Variants in CDC14B observed in about 807,000 individuals in gnomAD.
The protein encoded by CDC14B is dual specificity protein phosphatase CDC14B.
A neutral mutation model predicts 64.2 loss-of-function variants in CDC14B; 22 were observed. The observed-to-expected ratio is 0.34, with a 90% CI of 0.24 to 0.49. The LOEUF (loss-of-function observed/expected upper bound fraction) is 0.49. Among genes scored for constraint, CDC14B ranks in the 20% least tolerant of loss-of-function variants. CDC14B has a pLI of 0.99. For missense variants in CDC14B, 498 were observed against 629.9 expected (o/e 0.79, Z 2.24); for synonymous variants, 191 against 215.8 (o/e 0.89, Z 1.01).
chr9:96,534,568 C>T (rs756291922), intron 7 of CDC14B, 26 bp from the exon 8 acceptor site: 9 of 1,507,986 alleles, frequency 6.0e-6, no homozygotes, highest in South Asian at 5.7e-5. Context: ...CAGCACAATT[C>T]GTTTTTAAAT....
At chr9:96,513,801 T>A (rs1835240847) in intron 12 of CDC14B, among the ~76,000 whole-genome samples, 2 of 152,116 alleles carry the variant, frequency 1.3e-5, no homozygotes, top group South Asian at 4.1e-4. Flanking sequence ...TATCTCTGAG[T>A]CTGACTCAGA....
At chr9:96,497,705 A>G (rs1453254004), downstream of CDC14B, among the ~76,000 whole-genome samples, 1 of 152,188 alleles carries the variant, frequency 6.6e-6, no homozygotes, top group Admixed American at 6.5e-5. Flanking sequence ...CAAAATATAT[A>G]TGGCTCTTAG....
At chr9:96,556,776 T>C (rs1842558316) in intron 4 of CDC14B, among the ~76,000 whole-genome samples, 2 of 152,030 alleles carry the variant, frequency 1.3e-5, no homozygotes, top group African/African-American at 4.8e-5. Context: ...TTTTAAAAAA[T>C]GAAATCTCCT....
At chr9:96,518,536 C>A (rs1383207717) in intron 12 of CDC14B, among the ~76,000 whole-genome samples, 3 of 151,986 alleles carry the variant, frequency 2.0e-5, no homozygotes, top group Admixed American at 2.0e-4. Flanking sequence ...AATTACATGC[C>A]AGGCATCCTA....
chr9:96,576,976 G>A (rs1844850864), intron 1 of CDC14B, among the ~76,000 whole-genome samples: 1 of 152,110 alleles, frequency 6.6e-6, no homozygotes, highest in South Asian at 2.1e-4. Context: ...GTTTTGGCGG[G>A]GCACAGTGGC....
chr9:96,533,887 C>T, intron 9 of CDC14B, 40 bp downstream of exon 9: 1 of 1,265,744 alleles, frequency 7.9e-7, no homozygotes, highest in Middle Eastern at 1.9e-4. Context: ...TTCATATACT[C>T]ATACTGTATA....
In CDC14B at chr9:96,619,411, C is replaced by A. The variant is rs1429432878; in HGVS notation, c.-33G>T. The A allele has an allele frequency of 3.5e-6, 4 of 1,147,596 alleles. No homozygotes were observed. The South Asian group carries it at 1.7e-4, about 49-fold the overall frequency. 71.1% of individuals were successfully genotyped at this position (1,147,596 alleles called of 1,614,324 possible). A position where few individuals can be genotyped will look rare whatever the true frequency, so the allele number is the denominator to read the frequency against. On this transcript the variant is annotated 5_prime_UTR_variant, in exon 1 of 14. Transcript: ENST00000375241. ...GCCGCGGCCCGTCAGGGGGCCACGA[C>A]CATGGCCCCGCGCGCCCGCGCGCCC... is the stretch of plus-strand genomic sequence containing the variant.
At chr9:96,528,652 T>C (rs1837956345) in intron 9 of CDC14B, among the ~76,000 whole-genome samples, 1 of 152,232 alleles carries the variant, frequency 6.6e-6, no homozygotes, top group Non-Finnish European at 1.5e-5. Context: ...ATGACGTTAA[T>C]TTTTTCAGGA....
chr9:96,514,987 T>C (rs752260066), intron 12 of CDC14B: 35 of 941,496 alleles, frequency 3.7e-5, no homozygotes, highest in South Asian at 4.9e-5. Flanking sequence ...GACCATCATA[T>C]GGAAATGCAC....
intron 5 of CDC14B, among the ~76,000 whole-genome samples, chr9:96,548,907 T>C (rs996962560): frequency 6.6e-6 from 1 of 152,218 alleles, no homozygotes; most frequent in African/African-American, 2.4e-5. Context: ...TATAAATGAA[T>C]GCCATTCTTG....
intron 1 of CDC14B, among the ~76,000 whole-genome samples, chr9:96,585,424 T>C (rs117808162): frequency 0.025 from 3,791 of 152,008 alleles, 81 homozygotes; most frequent in Non-Finnish European, 0.039. Flanking sequence ...TGTGTTCTCA[T>C]TGTAAGGTAC....
intron 1 of CDC14B, among the ~76,000 whole-genome samples, chr9:96,600,137 G>A (rs1341292420): frequency 6.6e-6 from 1 of 151,862 alleles, no homozygotes; most frequent in African/African-American, 2.4e-5. Context: ...GCTCTCGCCT[G>A]TAATCCCAGC....
chr9:96,569,107 T>G (rs1384049545), intron 1 of CDC14B, among the ~76,000 whole-genome samples: 1 of 152,090 alleles, frequency 6.6e-6, no homozygotes, highest in East Asian at 1.9e-4. Flanking sequence ...TGTCTAGAAA[T>G]AGGGAATAAG....
chr9:96,536,290 G>T (rs1839254189), intron 7 of CDC14B, among the ~76,000 whole-genome samples: 1 of 152,160 alleles, frequency 6.6e-6, no homozygotes. Context: ...CTCTACAGTA[G>T]TAACAGGGGA....
chr9:96,529,527 C>T (rs375948405), intron 9 of CDC14B, among the ~76,000 whole-genome samples: 2 of 141,862 alleles, frequency 1.4e-5, no homozygotes, highest in Non-Finnish European at 3.0e-5. Flanking sequence ...GATCTCACTA[C>T]GTCACCCAGG....
intron 5 of CDC14B, among the ~76,000 whole-genome samples, chr9:96,544,256 T>C (rs74357030): frequency 0.018 from 2,761 of 152,270 alleles, 80 homozygotes; most frequent in African/African-American, 0.063. Context: ...TTAGTGTTTT[T>C]GTTAAAAACT....
At chr9:96,559,228 T>C (rs1842860031) in intron 4 of CDC14B, among the ~76,000 whole-genome samples, 1 of 152,232 alleles carries the variant, frequency 6.6e-6, no homozygotes, top group South Asian at 2.1e-4. Flanking sequence ...GGTCTTTCTG[T>C]GTATACAAGG....
rs1030055734 is a variant in CDC14B at position 96,532,451 on chromosome 9, C to T, written c.946+1476G>A. Among the ~76,000 whole-genome samples, 9 of 152,320 alleles carry T rather than the reference C, an allele frequency of 5.9e-5. No individual in the cohort carries two copies. The East Asian group carries it at 1.7e-3, about 29-fold the overall frequency. On this transcript the variant is annotated intron_variant, in intron 9 of 13. Coordinates refer to ENST00000375241, the MANE Select transcript of CDC14B (RefSeq NM_033331.4). ...ATAGCTTGATTATAATGCATGTTCA[C>T]ATGGGCCTCTGAGTTTATCCTGCTT...
intron 1 of CDC14B, among the ~76,000 whole-genome samples, chr9:96,597,549 G>T (rs767330185): frequency 1.4e-5 from 2 of 142,316 alleles, no homozygotes; most frequent in Non-Finnish European, 3.1e-5. Flanking sequence ...AGTATTCAAA[G>T]AAAAAAAATG....
Sources: allele counts gnomAD v4.1 joint callset (sites outside exome capture counted in the v4.1 genomes callset), GRCh38; gene constraint gnomAD v4.1.1; transcripts MANE v1.5; gene names NCBI Gene and HGNC (gene_info 2026-07-23, HGNC 2026-07-21).